The following KAT14 variants were observed in gnomAD, a reference collection of about 807,000 sequenced individuals.
The protein encoded by KAT14 is cysteine-rich protein 2-binding protein.
KAT14 carries 66 observed loss-of-function variants against 78.4 expected under a neutral mutation model. The observed-to-expected ratio is 0.84, with a 90% CI of 0.69 to 1.03. KAT14 has a LOEUF of 1.03. Among genes scored for constraint, KAT14 ranks in the 50% least tolerant of loss-of-function variants. The probability of loss-of-function intolerance (pLI) is 0.00; values close to 1 mark genes in which losing one functional copy is unlikely to be tolerated. For missense variants in KAT14, 870 were observed against 972.5 expected (o/e 0.89, Z 1.40); for synonymous variants, 344 against 359.4 (o/e 0.96, Z 0.48).
chr20:18,186,755 A>G (rs1388196378), intron 10 of KAT14, among the ~76,000 whole-genome samples: 1 of 152,226 alleles, frequency 6.6e-6, no homozygotes, highest in Non-Finnish European at 1.5e-5. Flanking sequence ...TTAGAGAGAC[A>G]GAAGGTGGAC....
At chr20:18,149,992 G>A (rs1206411818) in intron 3 of KAT14, among the ~76,000 whole-genome samples, 2 of 152,118 alleles carry the variant, frequency 1.3e-5, no homozygotes, top group Admixed American at 1.3e-4. Flanking sequence ...ATCTATATGA[G>A]TATCTGAGTA....
intron 9 of KAT14, 112 bp from the exon 10 acceptor site, chr20:18,184,490 T>G (rs1410776318): frequency 3.0e-5 from 29 of 952,918 alleles, no homozygotes; most frequent in Non-Finnish European, 3.8e-5. Flanking sequence ...TTGGTGTTTT[T>G]TTTTTTTTTT....
At chr20:18,160,825 A>G (rs2038391856) in intron 5 of KAT14, among the ~76,000 whole-genome samples, 1 of 152,140 alleles carries the variant, frequency 6.6e-6, no homozygotes, top group Non-Finnish European at 1.5e-5. Flanking sequence ...GAGTTTCTAC[A>G]TCAAAGGGCA....
chr20:18,176,242 A>G (rs1220369181), intron 7 of KAT14, among the ~76,000 whole-genome samples: 2 of 147,688 alleles, frequency 1.4e-5, no homozygotes, highest in East Asian at 4.0e-4. Flanking sequence ...TGGAGGTTGC[A>G]GTGAGCCGAG....
chr20:18,186,501 A>G (rs1042395659), intron 10 of KAT14, among the ~76,000 whole-genome samples: 2 of 152,230 alleles, frequency 1.3e-5, no homozygotes, highest in African/African-American at 2.4e-5. Context: ...GAGTTCTTAG[A>G]GGCCTGAGAG....
At position 18,161,817 on chromosome 20, in the gene KAT14, T is replaced by C. The variant is rs759832000; in HGVS notation, c.683-6T>C. On this transcript the variant is annotated splice_polypyrimidine_tract_variant and splice_region_variant and intron_variant, in intron 5 of 10. Transcript: ENST00000688188. ...TACTCAGCCTGTATTTATTCTTTCT[T>C]AGCAGCCTCAAAACCAACTTTAGAT... The C allele has an allele frequency of 1.2e-5, 19 of 1,610,002 alleles. No individual in the cohort carries two copies. The East Asian group carries it at 4.2e-4, about 36-fold the overall frequency.
chr20:18,157,652 G>A (rs528077454), intron 4 of KAT14, among the ~76,000 whole-genome samples: 6 of 152,136 alleles, frequency 3.9e-5, no homozygotes, highest in African/African-American at 1.4e-4. Context: ...TCTACTTTCT[G>A]TGTCTATGAA....
intron 7 of KAT14, among the ~76,000 whole-genome samples, chr20:18,177,537 T>C (rs2039091165): frequency 6.6e-6 from 1 of 152,210 alleles, no homozygotes; most frequent in South Asian, 2.1e-4. Flanking sequence ...TACCACACTT[T>C]TCAGTTTTAC....
In KAT14 at chr20:18,162,965, G is replaced by A. The variant is rs189156052; in HGVS notation, c.1668+20G>A. 9.6e-5 allele frequency: 155 copies of A among 1,609,064 alleles called. No homozygotes were observed. The African/African-American group carries it at 1.1e-3, about 12-fold the overall frequency. ...TACCAGGTGAATGCAAGCACTTGCT[G>A]TAAAGCCCTTGGGGGCAGGAGTGGA... is the stretch of plus-strand genomic sequence containing the variant. On this transcript the variant is annotated intron_variant, in intron 7 of 10. Coordinates refer to ENST00000688188, the MANE Select transcript of KAT14 (RefSeq NM_001392073.1).
intron 1 of KAT14, chr20:18,138,388 C>A: frequency 9.6e-7 from 1 of 1,046,970 alleles, no homozygotes; most frequent in Non-Finnish European, 1.1e-6. Context: ...CAAGTCACAG[C>A]CGGCCCGCAG....
intron 1 of KAT14, among the ~76,000 whole-genome samples, chr20:18,141,044 TTTATTTTTA>T (rs2037545703): frequency 1.1e-4 from 4 of 34,936 alleles, no homozygotes; most frequent in African/African-American, 3.5e-4. Context: ...TTTTTTTTTT[TTTATTTTTA>T]TTTTTGCTAG....
chr20:18,175,026 C>T (rs1331402278), intron 7 of KAT14, among the ~76,000 whole-genome samples: 1 of 151,912 alleles, frequency 6.6e-6, no homozygotes, highest in Non-Finnish European at 1.5e-5. Context: ...CTCATACCCC[C>T]TTAGTGTTTT....
At position 18,183,205 on chromosome 20, in the gene KAT14, A is replaced by G. The variant is rs1350683383; in HGVS notation, c.1888A>G (p.Thr630Ala). Reference protein sequence around the residue: ...SHLHRSDPHWTPEPDAPLDYC... With the variant: ...SHLHRSDPHWAPEPDAPLDYC... ...CCTGCACAGGAGCGACCCTCACTGG[A>G]CGCCGGAGCCCGACGCACCTCTCGA... Residue 630 changes from threonine to alanine, a missense_variant, in exon 9 of 11, where the codon ACG (threonine) becomes GCG (alanine). Coordinates refer to ENST00000688188, the MANE Select transcript of KAT14 (RefSeq NM_001392073.1). 3.7e-6 allele frequency: 6 copies of G among 1,614,072 alleles called. No individual in the cohort carries two copies. The highest frequency in any genetic ancestry group is 5.1e-6 in the Non-Finnish European group (6 of 1,180,006).
chr20:18,153,752 T>A (rs2038130204), intron 4 of KAT14, among the ~76,000 whole-genome samples: 1 of 152,226 alleles, frequency 6.6e-6, no homozygotes, highest in African/African-American at 2.4e-5. Context: ...AATTATTATT[T>A]ATTTGATCTT....
rs537825935 is a variant in KAT14 at position 18,139,768 on chromosome 20, G to A, written c.-454+1717G>A. 2.0e-5 allele frequency among the ~76,000 whole-genome samples: 3 copies of A among 152,110 alleles called. No individual in the cohort carries two copies. In the South Asian group the frequency reaches 6.2e-4, roughly 32 times the overall value. On this transcript the variant is annotated intron_variant, in intron 1 of 10. Coordinates refer to ENST00000688188, the MANE Select transcript of KAT14 (RefSeq NM_001392073.1). ...GACTAGGACAAATGATTAGCACAGTGGATGTGTCGGAAGGTTCAAGGAAGC... is the reference window on the plus strand; with the variant it reads ...GACTAGGACAAATGATTAGCACAGTAGATGTGTCGGAAGGTTCAAGGAAGC...
At chr20:18,182,123 A>AT (rs1442758555) in intron 8 of KAT14, among the ~76,000 whole-genome samples, 10 of 147,450 alleles carry the variant, frequency 6.8e-5, no homozygotes, top group African/African-American at 2.1e-4. Context: ...TTTATTTATT[A>AT]TTATTATTTT....
intron 9 of KAT14, among the ~76,000 whole-genome samples, chr20:18,184,186 GGA>G (rs1363980421): frequency 6.6e-5 from 10 of 152,218 alleles, no homozygotes; most frequent in Non-Finnish European, 1.3e-4. Context: ...GGGGGGTAAA[GGA>G]TGTGATAGAA....
rs183354585 is a variant in KAT14, at chr20:18,181,801, G to T, written c.1760G>T (p.Ser587Ile). The T allele has an allele frequency of 1.1e-5, 17 of 1,614,074 alleles. No homozygotes were observed. In the Admixed American group the frequency reaches 2.0e-4, roughly 19 times the overall value. Reference sequence around the variant, plus strand: ...TCAGAAGATATGGCTGTGGACCAGAGTATTGTCAGCCCTTATACCTCTCGG... The same window carrying T: ...TCAGAAGATATGGCTGTGGACCAGATTATTGTCAGCCCTTATACCTCTCGG... ...VGSEDMAVDQ[S>I]IVSPYTSRIL... Residue 587 changes from serine (S) to isoleucine (I), a missense_variant, in exon 8 of 11, where the codon AGT (serine) becomes ATT (isoleucine). Physicochemically the swap from Ser to Ile is moderately radical, Grantham distance 142. Coordinates refer to ENST00000688188, the MANE Select transcript of KAT14 (RefSeq NM_001392073.1).
rs1195411922 is a variant in KAT14 at position 18,187,378 on chromosome 20, T to C, written c.2265T>C (p.Tyr755=). Residue 755 remains tyrosine (Y), a synonymous_variant, in exon 11 of 11, where the codon TAT becomes TAC. Transcript: ENST00000688188. The stretch of plus-strand genomic sequence containing the variant: ...AGTTTGGATTCAAGACTGAAGAATA[T>C]GTATTAGATTTCTATGATAAATATT... ...YQKFGFKTEE[Y]VLDFYDKYYP... 1.9e-6 allele frequency: 3 copies of C among 1,614,098 alleles called. No homozygotes were observed. The highest frequency in any genetic ancestry group is 2.5e-6 in the Non-Finnish European group (3 of 1,180,044).
Sources: gnomAD v4.1 joint callset for allele counts (sites outside exome capture counted in the v4.1 genomes callset) on GRCh38, gnomAD v4.1.1 for gene constraint, MANE v1.5 for transcripts, NCBI Gene and HGNC (gene_info 2026-07-23, HGNC 2026-07-21) for gene names.